MAPK10: variants seen among roughly 807,000 people sequenced by gnomAD.
MAPK10 encodes JNK3 alpha protein kinase.
MAPK10 carries 25 observed loss-of-function variants against 59.3 expected under a neutral mutation model. The observed-to-expected ratio is 0.42, with a 90% CI of 0.31 to 0.59. The LOEUF (loss-of-function observed/expected upper bound fraction) is 0.59. Ranked by LOEUF, MAPK10 falls within the 20% of genes least tolerant of loss-of-function variation. MAPK10 has a pLI of 0.15. For missense variants in MAPK10, 351 were observed against 568.9 expected (o/e 0.62, Z 3.90); for synonymous variants, 190 against 200.5 (o/e 0.95, Z 0.44).
chr4:86,412,589 T>G (rs1240869010), intron 1 of MAPK10, among the ~76,000 whole-genome samples: 2 of 152,328 alleles, frequency 1.3e-5, no homozygotes, highest in East Asian at 3.9e-4. Context: ...CTTGGAGGCT[T>G]TCTTCGTTTC....
chr4:86,102,075 C>A, intron 6 of MAPK10, 43 bp from the exon 7 acceptor site: 1 of 1,577,848 alleles, frequency 6.3e-7, no homozygotes, highest in South Asian at 1.1e-5. Context: ...ATCACAAGAT[C>A]TATGAAGTCC....
chr4:86,423,038 C>T (rs1041924225), intron 1 of MAPK10, among the ~76,000 whole-genome samples: 9 of 152,120 alleles, frequency 5.9e-5, no homozygotes, highest in African/African-American at 1.9e-4. Flanking sequence ...CTTTCCTGAA[C>T]CCTCACTTCA....
chr4:86,527,140 C>T (rs568527341), intron 1 of MAPK10, among the ~76,000 whole-genome samples: 4 of 151,610 alleles, frequency 2.6e-5, no homozygotes, highest in African/African-American at 4.8e-5. Context: ...AAGACCTTGT[C>T]GCTACTAAAA....
chr4:86,583,636 T>A (rs1397267834), intron 1 of MAPK10, among the ~76,000 whole-genome samples: 1 of 152,208 alleles, frequency 6.6e-6, no homozygotes, highest in Non-Finnish European at 1.5e-5. Flanking sequence ...TGGATATTGT[T>A]GAGCTACTGC....
chr4:86,420,574 G>T (rs1746393473), intron 1 of MAPK10, among the ~76,000 whole-genome samples: 1 of 151,910 alleles, frequency 6.6e-6, no homozygotes, highest in East Asian at 1.9e-4. Flanking sequence ...TATCACTTGA[G>T]CTCAAGAGTT....
intron 2 of MAPK10, among the ~76,000 whole-genome samples, chr4:86,206,141 C>T (rs552777007): frequency 3.3e-5 from 5 of 151,716 alleles, no homozygotes; most frequent in Non-Finnish European, 7.4e-5. Context: ...CTGTGCTGCA[C>T]CCATTAACTC....
intron 2 of MAPK10, among the ~76,000 whole-genome samples, chr4:86,226,533 G>A (rs1422093668): frequency 3.9e-5 from 6 of 152,164 alleles, no homozygotes; most frequent in Non-Finnish European, 7.4e-5. Context: ...ACATAAGTTA[G>A]TACAGTAACC....
chr4:86,223,881 G>C (rs188587733), intron 2 of MAPK10, among the ~76,000 whole-genome samples: 5 of 152,228 alleles, frequency 3.3e-5, no homozygotes, highest in African/African-American at 9.6e-5. Context: ...AACATGCCCT[G>C]CTCTCCCCAG....
In MAPK10 at chr4:86,010,481, T is replaced by A. The variant is rs890842350; in HGVS notation, c.*6747A>T. 3 of 152,232 alleles carry A rather than the reference T, an allele frequency of 2.0e-5. No homozygotes were observed. The highest frequency in any genetic ancestry group is 4.4e-5 in the Non-Finnish European group (3 of 68,038). 9.4% of individuals were successfully genotyped at this position (152,232 alleles called of 1,614,324 possible). A position where few individuals can be genotyped will look rare whatever the true frequency, so the allele number is the denominator to read the frequency against. On this transcript the variant is annotated 3_prime_UTR_variant, in exon 14 of 14. Coordinates refer to ENST00000641462, the MANE Select transcript of MAPK10 (RefSeq NM_138982.4). ...GCAATATATATCTCCTACACCGAAG[T>A]GTCCAAGAAATGTTTTTGGAGTAAA... is the stretch of plus-strand genomic sequence containing the variant.
chr4:86,157,494 T>G (rs918863440), intron 4 of MAPK10, among the ~76,000 whole-genome samples: 1 of 152,014 alleles, frequency 6.6e-6, no homozygotes, highest in Non-Finnish European at 1.5e-5. Flanking sequence ...GTTTCCAGTT[T>G]GCACCAGTCA....
At chr4:86,358,704 G>A (rs1179429294) in intron 1 of MAPK10, 3 of 152,172 alleles carry the variant, frequency 2.0e-5, no homozygotes, top group Non-Finnish European at 2.9e-5. Context: ...TAGTTTTCTT[G>A]TAATATCTAT....
chr4:86,021,566 C>G (rs1318469307), intron 13 of MAPK10, among the ~76,000 whole-genome samples: 1 of 152,284 alleles, frequency 6.6e-6, no homozygotes, highest in African/African-American at 2.4e-5. Flanking sequence ...CGTACCAGGG[C>G]TGCAGGTGGA....
chr4:86,321,191 T>C (rs1318918634), intron 2 of MAPK10, among the ~76,000 whole-genome samples: 1 of 152,044 alleles, frequency 6.6e-6, no homozygotes, highest in Non-Finnish European at 1.5e-5. Context: ...TCCTCAAGGA[T>C]CTAGAACTAG....
At chr4:86,292,910 G>A (rs983566598) in intron 2 of MAPK10, among the ~76,000 whole-genome samples, 1 of 152,098 alleles carries the variant, frequency 6.6e-6, no homozygotes, top group Non-Finnish European at 1.5e-5. Flanking sequence ...CCGTGTCCAG[G>A]CCATCAGGCT....
chr4:86,304,841 C>CT (rs2095538751), intron 2 of MAPK10, among the ~76,000 whole-genome samples: 1 of 152,004 alleles, frequency 6.6e-6, no homozygotes, highest in Non-Finnish European at 1.5e-5. Context: ...TGTTGCTATT[C>CT]TTTTTTCAAA....
chr4:86,400,113 T>A (rs1423245612), intron 1 of MAPK10, among the ~76,000 whole-genome samples: 1 of 152,190 alleles, frequency 6.6e-6, no homozygotes, highest in Non-Finnish European at 1.5e-5. Flanking sequence ...TTTATGGTCA[T>A]ATCACATATA....
At chr4:86,107,723 G>A in intron 4 of MAPK10, 5 of 920,122 alleles carry the variant, frequency 5.4e-6, no homozygotes, top group Non-Finnish European at 6.5e-6. Flanking sequence ...TGTGACTATG[G>A]CAAGTCATTT....
chr4:86,446,014 CAGTT>C, intron 1 of MAPK10, among the ~76,000 whole-genome samples: 1 of 152,112 alleles, frequency 6.6e-6, no homozygotes, highest in African/African-American at 2.4e-5. Flanking sequence ...TCACAGATAA[CAGTT>C]TGTTCAAAAT....
intron 4 of MAPK10, among the ~76,000 whole-genome samples, chr4:86,111,106 CA>C (rs561912268): frequency 5.8e-4 from 88 of 152,288 alleles, no homozygotes; most frequent in African/African-American, 2.1e-3. Context: ...AGTCACTTAG[CA>C]GCTTAAGGAG....
Sources: gnomAD v4.1 joint callset for allele counts (sites outside exome capture counted in the v4.1 genomes callset) on GRCh38, gnomAD v4.1.1 for gene constraint, MANE v1.5 for transcripts, NCBI Gene and HGNC (gene_info 2026-07-23, HGNC 2026-07-21) for gene names.